Variants in SP140 observed in about 807,000 individuals in gnomAD.
The protein encoded by SP140 is SP140 nuclear body protein, also known as nuclear body protein SP140.
SP140 carries 81 observed loss-of-function variants against 125.0 expected under a neutral mutation model. That is an observed-to-expected ratio of 0.65 (90% confidence interval 0.54 to 0.78). The LOEUF is 0.78. Among genes scored for constraint, SP140 ranks in the 30% least tolerant of loss-of-function variants. SP140 has a pLI of 0.00. For synonymous variants in SP140, 312 were observed against 354.0 expected (o/e 0.88, Z 1.33); for missense variants, 858 against 1,037.0 (o/e 0.83, Z 2.37).
At chr2:230,229,012 C>G (rs1381468182) in intron 1 of SP140, among the ~76,000 whole-genome samples, 2 of 151,858 alleles carry the variant, frequency 1.3e-5, no homozygotes, top group Non-Finnish European at 2.9e-5. Context: ...GCATTTTATG[C>G]TTCTATTTTC....
Position 230,237,347 on chromosome 2 carries a change from T to TCACAGGAGGC in SP140, c.237+88_237+89insACAGGAGGCC. The TCACAGGAGGC allele has an allele frequency of 8.3e-7, 1 of 1,199,738 alleles. No homozygotes were observed. The highest frequency in any genetic ancestry group is 1.2e-6 in the Non-Finnish European group (1 of 842,372). The allele number at this position is 1,199,738 out of a possible 1,614,324, so 74.3% of individuals were successfully genotyped here. A position where few individuals can be genotyped will look rare whatever the true frequency, so the allele number is the denominator to read the frequency against. On this transcript the variant is annotated intron_variant, in intron 2 of 26. Transcript: ENST00000392045. The surrounding 1 kb of genome is among the most constrained non-coding windows in gnomAD (Gnocchi z 5.4). ...GATGCAATGAGCAGGCTAAAGGGCC[T>TCACAGGAGGC]CCTGTGAGTGGGGACCTTCACCATT...
Position 230,292,691 on chromosome 2 carries a change from C to T in SP140, c.1871C>T (p.Thr624Ile), listed in dbSNP as rs1438609617. Residue 624 changes from threonine (T) to isoleucine (I), a missense_variant, in exon 20 of 27, where the codon ACC becomes ATC. Thr to Ile is a moderately conservative substitution (Grantham distance 89, BLOSUM62 -1). Transcript: ENST00000392045. The part of the protein sequence containing the change: ...CIQTEDGKWF[T>I]PTEFEIKGGH... ...CAGACTGAGGATGGAAAATGGTTCACCCCCACGGAATTTGAAATCAAAGGA... is the reference window on the plus strand; with the variant it reads ...CAGACTGAGGATGGAAAATGGTTCATCCCCACGGAATTTGAAATCAAAGGA... The T allele has an allele frequency of 1.2e-6, 2 of 1,614,036 alleles. No homozygotes were observed. Among genetic ancestry groups the T allele is most frequent in the Admixed American group, 1.7e-5 (1 of 60,008 alleles).
chr2:230,252,566 C>T (rs1011426373), intron 10 of SP140, among the ~76,000 whole-genome samples: 1 of 152,048 alleles, frequency 6.6e-6, no homozygotes, highest in Middle Eastern at 3.2e-3. Context: ...AATGAGAGTG[C>T]CAACATGGGG....
At chr2:230,269,675 G>A in intron 13 of SP140, 57 bp downstream of exon 13, 1 of 1,207,958 alleles carries the variant, frequency 8.3e-7, no homozygotes, top group South Asian at 1.5e-5. Flanking sequence ...AAGAGAAAAA[G>A]GAGGAGAAAA....
chr2:230,273,227 G>C (rs905514990), intron 15 of SP140, among the ~76,000 whole-genome samples: 2 of 152,058 alleles, frequency 1.3e-5, no homozygotes, highest in Non-Finnish European at 2.9e-5. Flanking sequence ...GCATCTGTAA[G>C]GTACTTAAAC....
intron 15 of SP140, among the ~76,000 whole-genome samples, chr2:230,273,459 G>T (rs749818291): frequency 6.6e-6 from 1 of 152,190 alleles, no homozygotes; most frequent in Non-Finnish European, 1.5e-5. Flanking sequence ...TACTGACGAG[G>T]TTGTGGAGAA....
At chr2:230,316,144 G>C (rs573202241), downstream of SP140, among the ~76,000 whole-genome samples, 11 of 152,298 alleles carry the variant, frequency 7.2e-5, 1 homozygote, top group African/African-American at 2.6e-4. Context: ...ATTGATGACA[G>C]TATGTTCATG....
chr2:230,238,266 T>C lies in SP140; in HGVS notation c.291T>C (p.Cys97=). Residue 97 remains cysteine (C), a synonymous_variant, in exon 3 of 27, where the codon TGT becomes TGC. Transcript: ENST00000392045. ...NLVPVTRVMY[C]VLSELEKTFG... ...TCCCAGTGACAAGAGTGATGTATTGTGTACTCAGTGAACTGGAGAAGACAT... is the reference window on the plus strand; with the variant it reads ...TCCCAGTGACAAGAGTGATGTATTGCGTACTCAGTGAACTGGAGAAGACAT... 1 of 1,613,666 alleles carries C rather than the reference T, an allele frequency of 6.2e-7. No individual in the cohort carries two copies. The highest frequency in any genetic ancestry group is 8.5e-7 in the Non-Finnish European group (1 of 1,179,654).
At chr2:230,292,534 G>A in intron 19 of SP140, 112 bp from the exon 20 acceptor site, 1 of 1,392,896 alleles carries the variant, frequency 7.2e-7, no homozygotes, top group Non-Finnish European at 1.0e-6. Flanking sequence ...AGACTCTCCT[G>A]CTATTGATCT....
chr2:230,229,303 T>G (rs2046898910), intron 1 of SP140, among the ~76,000 whole-genome samples: 1 of 151,950 alleles, frequency 6.6e-6, no homozygotes, highest in Admixed American at 6.6e-5. Context: ...TTCTATTAAT[T>G]TGAATAAATG....
At chr2:230,284,202 C>A (rs577440333) in intron 15 of SP140, 144 bp from the exon 16 acceptor site, 1 of 683,712 alleles carries the variant, frequency 1.5e-6, no homozygotes, top group Non-Finnish European at 2.3e-6. Flanking sequence ...TCAACCTCCA[C>A]GCTGCTACAC....
intron 21 of SP140, among the ~76,000 whole-genome samples, chr2:230,294,839 C>T (rs994601913): frequency 1.3e-5 from 2 of 152,154 alleles, no homozygotes; most frequent in Non-Finnish European, 2.9e-5. Flanking sequence ...CTTTTCTGAT[C>T]CTTCACATTC....
At chr2:230,305,411 G>A (rs1412392907) in intron 22 of SP140, among the ~76,000 whole-genome samples, 3 of 152,340 alleles carry the variant, frequency 2.0e-5, no homozygotes, top group Admixed American at 6.5e-5. Context: ...TGACGGCAGC[G>A]GCAGGCAGTC....
At chr2:230,287,732 T>A (rs2149458601) in intron 17 of SP140, among the ~76,000 whole-genome samples, 160 bp from the exon 18 acceptor site, 1 of 152,334 alleles carries the variant, frequency 6.6e-6, no homozygotes, top group East Asian at 1.9e-4. Flanking sequence ...ACATTAGCTA[T>A]CTAATTCTTC....
At chr2:230,238,863 G>A (rs762976787) in intron 3 of SP140, 2 of 1,552,694 alleles carry the variant, frequency 1.3e-6, no homozygotes, top group Admixed American at 2.0e-5. Context: ...CTGAGGAGGA[G>A]CTGCATGTGA....
At chr2:230,223,787 A>G (rs944789059), upstream of SP140, among the ~76,000 whole-genome samples, 5 of 152,208 alleles carry the variant, frequency 3.3e-5, no homozygotes, top group African/African-American at 1.2e-4. Context: ...CATTTCCCCA[A>G]TTCCAGGTGT....
Position 230,208,002 on chromosome 2 carries a change from CT to C in SP140, c.-323+4730del, listed in dbSNP as rs774290827. On this transcript the variant is annotated intron_variant, in intron 1 of 4. Transcript: ENST00000456542. ...TACTCTCATCTTACCTCCTGGGAGG[CT>C]TTTTTTCTTATGTCTCCTTTTTGGA... is the stretch of plus-strand genomic sequence containing the variant. 18 of 1,550,744 alleles carry C rather than the reference CT, an allele frequency of 1.2e-5. No individual in the cohort carries two copies. The highest frequency in any genetic ancestry group is 1.4e-5 in the Non-Finnish European group (16 of 1,125,532).
At chr2:230,284,559 C>A in intron 16 of SP140, 148 bp downstream of exon 16, 1 of 611,486 alleles carries the variant, frequency 1.6e-6, no homozygotes, top group African/African-American at 1.9e-5. Context: ...GACAAAGAGG[C>A]CTGAGAATGC....
chr2:230,259,027 G>A (rs995016382), intron 12 of SP140, among the ~76,000 whole-genome samples: 3 of 152,188 alleles, frequency 2.0e-5, no homozygotes, highest in Non-Finnish European at 4.4e-5. Context: ...ACTAGCAATG[G>A]CTCTTTGATG....
Sources: gnomAD v4.1 joint callset for allele counts (sites outside exome capture counted in the v4.1 genomes callset) on GRCh38, gnomAD v4.1.1 for gene constraint, Gnocchi (gnomAD v3.1) non-coding constraint, MANE v1.5 for transcripts, NCBI Gene and HGNC (gene_info 2026-07-23, HGNC 2026-07-21) for gene names.